PLXNA4: variants seen among roughly 807,000 people sequenced by gnomAD.
PLXNA4 encodes the protein plexin A4.
In PLXNA4, 44 loss-of-function variants were observed where a neutral mutation model predicts 191.8. The ratio of observed to expected loss-of-function variants is 0.23; its 90% CI spans 0.18 to 0.29. The LOEUF (loss-of-function observed/expected upper bound fraction) is 0.29, where lower values mean the gene tolerates loss of function less well. Ranked by LOEUF, PLXNA4 falls within the 10% of genes least tolerant of loss-of-function variation. PLXNA4 has a pLI of 1.00. For synonymous variants in PLXNA4, 1,082 were observed against 1,009.5 expected, an observed-to-expected ratio of 1.07 and a Z score of -1.36; for missense variants, 1,800 against 2,488.8, an observed-to-expected ratio of 0.72 and a Z score of 5.89.
chr7:132,600,604 A>T (rs1802798665), intron 2 of PLXNA4, among the ~76,000 whole-genome samples: 2 of 152,136 alleles, frequency 1.3e-5, no homozygotes, highest in African/African-American at 4.8e-5. Flanking sequence ...GGCTCAAGGG[A>T]TCCCTGGATC....
intron 1 of PLXNA4, among the ~76,000 whole-genome samples, chr7:132,536,410 C>T (rs1316412191): frequency 6.6e-6 from 1 of 152,146 alleles, no homozygotes; most frequent in Non-Finnish European, 1.5e-5. Flanking sequence ...CCTAAGCCTA[C>T]CTCCACCTCT....
chr7:132,455,156 G>A (rs1796266743), intron 3 of PLXNA4, among the ~76,000 whole-genome samples: 1 of 152,208 alleles, frequency 6.6e-6, no homozygotes. Flanking sequence ...ACACTGGCAG[G>A]TATCTGTGGT....
intron 2 of PLXNA4, among the ~76,000 whole-genome samples, chr7:132,499,856 C>T (rs774597115): frequency 6.6e-5 from 10 of 152,144 alleles, no homozygotes; most frequent in Non-Finnish European, 8.8e-5. Context: ...GGAACACTGA[C>T]GGAGACACAG....
At chr7:132,243,641 G>T (rs1174047100) in intron 4 of PLXNA4, among the ~76,000 whole-genome samples, 1 of 152,072 alleles carries the variant, frequency 6.6e-6, no homozygotes, top group African/African-American at 2.4e-5. Flanking sequence ...TCAAATTCTG[G>T]CTTAACATGG....
chr7:132,560,380 T>C (rs1800988090), intron 1 of PLXNA4, among the ~76,000 whole-genome samples: 1 of 152,212 alleles, frequency 6.6e-6, no homozygotes, highest in Non-Finnish European at 1.5e-5. Flanking sequence ...ATACCTGGGA[T>C]GCTTTCAGAA....
chr7:132,261,744 C>T (rs562756254), intron 4 of PLXNA4, among the ~76,000 whole-genome samples: 46 of 152,336 alleles, frequency 3.0e-4, no homozygotes, highest in African/African-American at 9.9e-4. Context: ...ATGGTGCCTC[C>T]GAGCACATCC....
At chr7:132,362,630 C>T (rs1241545101) in intron 3 of PLXNA4, among the ~76,000 whole-genome samples, 1 of 152,140 alleles carries the variant, frequency 6.6e-6, no homozygotes, top group African/African-American at 2.4e-5. Flanking sequence ...TGATGTCTGC[C>T]ATAAGGGTTA....
chr7:132,287,529 C>T (rs141074198), intron 4 of PLXNA4, among the ~76,000 whole-genome samples: 1,584 of 152,226 alleles, frequency 0.01, 16 homozygotes, highest in Middle Eastern at 0.017. Context: ...GTACTAAGGA[C>T]GGGTATGAAA....
chr7:132,365,369 G>A (rs531500607), intron 3 of PLXNA4, among the ~76,000 whole-genome samples: 24 of 151,966 alleles, frequency 1.6e-4, no homozygotes, highest in South Asian at 8.3e-4. Flanking sequence ...GTGCGTGCGC[G>A]CGCATGCATG....
At chr7:132,416,998 A>G (rs563677584) in intron 3 of PLXNA4, among the ~76,000 whole-genome samples, 1 of 152,326 alleles carries the variant, frequency 6.6e-6, no homozygotes, top group South Asian at 2.1e-4. Context: ...TTAAAAAAAA[A>G]AAGTGACTAT....
intron 3 of PLXNA4, among the ~76,000 whole-genome samples, chr7:132,459,859 T>A (rs1796437927): frequency 6.6e-6 from 1 of 151,984 alleles, no homozygotes; most frequent in Non-Finnish European, 1.5e-5. Flanking sequence ...GTGTAGATAA[T>A]TGGAGTTGAC....
intron 3 of PLXNA4, among the ~76,000 whole-genome samples, chr7:132,333,341 C>T (rs1802673929): frequency 6.6e-6 from 1 of 152,246 alleles, no homozygotes; most frequent in Non-Finnish European, 1.5e-5. Flanking sequence ...CCCCTCCATG[C>T]TGCACCTACT....
At chr7:132,429,930 C>T (rs182029916) in intron 3 of PLXNA4, among the ~76,000 whole-genome samples, 1 of 152,282 alleles carries the variant, frequency 6.6e-6, no homozygotes, top group East Asian at 1.9e-4. Context: ...AGAACCCAGT[C>T]CCCAGGAGCA....
chr7:132,630,741 G>C (rs990981402), intron 2 of PLXNA4, among the ~76,000 whole-genome samples: 4 of 152,150 alleles, frequency 2.6e-5, no homozygotes, highest in Non-Finnish European at 5.9e-5. Context: ...TCAATCTCCT[G>C]ACCTTGTGAT....
intron 3 of PLXNA4, among the ~76,000 whole-genome samples, chr7:132,387,684 A>G (rs1286437683): frequency 6.6e-6 from 1 of 152,234 alleles, no homozygotes; most frequent in East Asian, 1.9e-4. Context: ...GCATTGCACC[A>G]GGATGAAGCA....
chr7:132,158,134 G>T (rs1355963384), intron 25 of PLXNA4, among the ~76,000 whole-genome samples: 1 of 152,174 alleles, frequency 6.6e-6, no homozygotes, highest in African/African-American at 2.4e-5. Context: ...AGAGCACAGG[G>T]CCAAACACCT....
chr7:132,627,317 A>ACACACACAC (rs1016363701), intron 2 of PLXNA4, among the ~76,000 whole-genome samples: 3 of 152,134 alleles, frequency 2.0e-5, no homozygotes, highest in Non-Finnish European at 4.4e-5. Context: ...GATCTTTTAC[A>ACACACACAC]CACACACACT....
Position 132,634,467 on chromosome 7 carries a change from C to G in PLXNA4, c.-87+11461G>C, listed in dbSNP as rs796389309. ...CACACAGGAACACTGCCCCAGCACACACACACACACACACACTACACACAC... is the reference window on the plus strand; with the variant it reads ...CACACAGGAACACTGCCCCAGCACAGACACACACACACACACTACACACAC... On this transcript the variant is annotated intron_variant, in intron 2 of 4. Transcript: ENST00000378539. Among the ~76,000 whole-genome samples the G allele has an allele frequency of 5.3e-5, 8 of 151,808 alleles. 1 individual carries two copies. The highest frequency in any genetic ancestry group is 1.9e-4 in the African/African-American group (8 of 41,394).
chr7:132,282,920 A>C (rs1800539724), intron 4 of PLXNA4, among the ~76,000 whole-genome samples: 1 of 152,094 alleles, frequency 6.6e-6, no homozygotes, highest in Non-Finnish European at 1.5e-5. Context: ...TCTGTTACCT[A>C]GGCTGGAGTG....
Sources: allele counts gnomAD v4.1 joint callset (sites outside exome capture counted in the v4.1 genomes callset), GRCh38; gene constraint gnomAD v4.1.1; transcripts MANE v1.5; gene names NCBI Gene and HGNC (gene_info 2026-07-23, HGNC 2026-07-21).